Variants in CDKL4 observed in about 807,000 individuals in gnomAD.
CDKL4 encodes cyclin-dependent kinase-like 4.
CDKL4 carries 44 observed loss-of-function variants against 42.0 expected under a neutral mutation model. That is an observed-to-expected ratio of 1.05 (90% confidence interval 0.82 to 1.35). The LOEUF (loss-of-function observed/expected upper bound fraction) is 1.35. CDKL4 is among the 40% of genes most tolerant of loss of function. CDKL4 has a pLI of 0.00. For synonymous variants in CDKL4, 120 were observed against 121.6 expected (o/e 0.99, Z 0.09); for missense variants, 393 against 369.9 (o/e 1.06, Z -0.51).
chr2:39,169,107 A>G, the CDKL4 span, among the ~76,000 whole-genome samples: 26 of 152,186 alleles, frequency 1.7e-4, no homozygotes, highest in Admixed American at 1.3e-3. Flanking sequence ...TATCTGTAAA[A>G]TTTAATTATC....
chr2:39,222,666 A>C (rs2148375975), intron 3 of CDKL4, among the ~76,000 whole-genome samples: 1 of 152,264 alleles, frequency 6.6e-6, no homozygotes, highest in Admixed American at 6.5e-5. Flanking sequence ...CTAGATTAAA[A>C]TGAGAAGAAC....
chr2:39,176,828 A>T (rs1032702566), intron 9 of CDKL4, among the ~76,000 whole-genome samples: 3 of 152,236 alleles, frequency 2.0e-5, no homozygotes, highest in African/African-American at 7.2e-5. Flanking sequence ...AGGAAACCGC[A>T]ATGAATGAAA....
At chr2:39,184,885 C>T (rs1675632051) in intron 7 of CDKL4, among the ~76,000 whole-genome samples, 1 of 151,646 alleles carries the variant, frequency 6.6e-6, no homozygotes, top group Non-Finnish European at 1.5e-5. Context: ...CAGGTGGGTG[C>T]CACCACACAC....
In CDKL4 at chr2:39,229,375, C is replaced by T. The variant is rs35454041; in HGVS notation, c.158G>A (p.Arg53His). Residue 53 changes from arginine to histidine, a missense_variant, in exon 2 of 10, where the codon CGT becomes CAT. Physicochemically the swap from Arg to His is conservative, Grantham distance 29 (BLOSUM62 0). Coordinates refer to ENST00000451199, the Ensembl canonical transcript of CDKL4. ...ATAAAGTTAACTTACCTTCAACATA[C>T]GTATTTCTCTTAGTGCTATTTTCTT... 4.4e-3 allele frequency: 6,956 copies of T among 1,592,482 alleles called. 14 individuals are homozygous for T. The highest frequency in any genetic ancestry group is 5.4e-3 in the Non-Finnish European group (6,266 of 1,170,588).
At chr2:39,188,220 T>C (rs1279317175) in intron 6 of CDKL4, among the ~76,000 whole-genome samples, 2 of 152,096 alleles carry the variant, frequency 1.3e-5, no homozygotes, top group Admixed American at 6.5e-5. Flanking sequence ...GTAAGGCCAG[T>C]TCTCCCAAAC....
intron 9 of CDKL4, among the ~76,000 whole-genome samples, chr2:39,176,649 G>C (rs1407527169): frequency 6.6e-6 from 1 of 152,150 alleles, no homozygotes. Context: ...GGCCAGGCTG[G>C]TCTTGAACTC....
At chr2:39,187,816 C>T in intron 6 of CDKL4, 107 bp from the exon 7 acceptor site, 1 of 711,118 alleles carries the variant, frequency 1.4e-6, no homozygotes, top group Admixed American at 2.4e-5. Flanking sequence ...ACCTGTAATT[C>T]CAGCACTTTG....
At chr2:39,170,936 TA>T (rs751870484), downstream of CDKL4, among the ~76,000 whole-genome samples, 1 of 152,164 alleles carries the variant, frequency 6.6e-6, no homozygotes, top group Non-Finnish European at 1.5e-5. Flanking sequence ...TTATGGCAAG[TA>T]AGCTAAAGGA....
At chr2:39,168,940 A>G in the CDKL4 span, among the ~76,000 whole-genome samples, 3 of 152,030 alleles carry the variant, frequency 2.0e-5, no homozygotes, top group African/African-American at 7.2e-5. Flanking sequence ...TATTTTTAGT[A>G]AAGACGGGGT....
In CDKL4 at chr2:39,176,627, T is replaced by G. The variant is rs540577417; in HGVS notation, c.928-531A>C. Among the ~76,000 whole-genome samples the G allele has an allele frequency of 5.3e-5, 8 of 152,134 alleles. No homozygotes were observed. In the South Asian group the frequency reaches 1.7e-3, roughly 32 times the overall value. ...TTTTGTATTTTTGATAAAGACAGAG[T>G]TTCATCATGTTGGCCAGGCTGGTCT... On this transcript the variant is annotated intron_variant, in intron 9 of 9. Coordinates refer to ENST00000451199, the Ensembl canonical transcript of CDKL4.
chr2:39,172,386 A>G (rs958002945), downstream of CDKL4, among the ~76,000 whole-genome samples: 12 of 152,216 alleles, frequency 7.9e-5, no homozygotes, highest in South Asian at 2.1e-4. Context: ...GATGCTGAAG[A>G]GCAACTGTTG....
At chr2:39,205,936 A>C (rs1010871652) in intron 4 of CDKL4, among the ~76,000 whole-genome samples, 1 of 152,104 alleles carries the variant, frequency 6.6e-6, no homozygotes, top group Non-Finnish European at 1.5e-5. Flanking sequence ...CCACCTCCTC[A>C]CCGGAGCTAA....
rs1052254260 is a variant in CDKL4 at position 39,190,153 on chromosome 2, C to T, written c.652+152G>A. On this transcript the variant is annotated intron_variant, in intron 6 of 9. Transcript: ENST00000451199. The stretch of plus-strand genomic sequence containing the variant: ...TTAGAAAAGGATTGGGCTTTGGCTA[C>T]AACCCAGAACTGAGAACAACCATCC... The T allele has an allele frequency of 7.5e-6, 4 of 535,976 alleles. 1 individual carries two copies. The highest frequency in any genetic ancestry group is 7.7e-5 in the South Asian group (2 of 26,124). The allele number at this position is 535,976 out of a possible 1,614,324, so 33.2% of individuals were successfully genotyped here. A position where few individuals can be genotyped will look rare whatever the true frequency, so the allele number is the denominator to read the frequency against.
chr2:39,240,558 G>A (rs942122140), intron 1 of CDKL4, among the ~76,000 whole-genome samples: 8 of 151,408 alleles, frequency 5.3e-5, no homozygotes, highest in Non-Finnish European at 8.8e-5. Context: ...GTCCCTATAT[G>A]GAAAACAATC....
chr2:39,217,701 ATTATTTATTTATTTAT>A (rs145033516), intron 3 of CDKL4, among the ~76,000 whole-genome samples: 17,961 of 147,714 alleles, frequency 0.12, 2,182 homozygotes, highest in African/African-American at 0.31. Context: ...GGCTTATTTT[ATTATTTATTTATTTAT>A]TTATTTATTT....
rs537029603 is a variant in CDKL4, at chr2:39,230,575, T to C, written c.-56-987A>G. 7.2e-5 allele frequency among the ~76,000 whole-genome samples: 11 copies of C among 152,316 alleles called. No individual in the cohort carries two copies. In the South Asian group the frequency reaches 2.3e-3, roughly 32 times the overall value. ...TGAATGTTTTGGTGACCGAATTAAATATTACATGATGACTAAGGCCAACAT... is the reference window on the plus strand; with the variant it reads ...TGAATGTTTTGGTGACCGAATTAAACATTACATGATGACTAAGGCCAACAT... On this transcript the variant is annotated intron_variant, in intron 1 of 9. Coordinates refer to ENST00000451199, the Ensembl canonical transcript of CDKL4.
rs758417891 is a variant in CDKL4 at position 39,229,505 on chromosome 2, T to C, written c.28A>G (p.Thr10Ala). 4 of 1,606,610 alleles carry C rather than the reference T, an allele frequency of 2.5e-6. No individual in the cohort carries two copies. Among genetic ancestry groups the C allele is most frequent in the South Asian group, 1.1e-5 (1 of 88,876 alleles). ...ACAACCCCATAAGACCCTTCTCCAG[T>C]CTTAGCTAATTTTTCATACTTTTCC... is the stretch of plus-strand genomic sequence containing the variant. Residue 10 changes from threonine to alanine, a missense_variant, in exon 2 of 10, where the codon ACT becomes GCT. By Grantham distance (58) the Thr-to-Ala change is moderately conservative (BLOSUM62 0). Transcript: ENST00000451199.
intron 4 of CDKL4, among the ~76,000 whole-genome samples, chr2:39,212,773 C>T (rs1310085012): frequency 2.6e-5 from 4 of 152,256 alleles, no homozygotes; most frequent in African/African-American, 9.6e-5. Context: ...GATTCTCCAG[C>T]TCCAGCCTCC....
At position 39,190,244 on chromosome 2, in the gene CDKL4, T is replaced by C. The variant is rs73930539; in HGVS notation, c.652+61A>G. The C allele has an allele frequency of 2.0e-3, 2,169 of 1,089,792 alleles. 35 individuals are homozygous for C. In the African/African-American group the frequency reaches 0.03, roughly 15 times the overall value. 67.5% of individuals were successfully genotyped at this position (1,089,792 alleles called of 1,614,324 possible). A position where few individuals can be genotyped will look rare whatever the true frequency, so the allele number is the denominator to read the frequency against. ...ATTTTTATTTATTTATTTTTTATTA[T>C]AGTAACATATGAATGCTATAACAAT... On this transcript the variant is annotated intron_variant, in intron 6 of 9. Transcript: ENST00000451199.
Sources: allele counts gnomAD v4.1 joint callset (sites outside exome capture counted in the v4.1 genomes callset), GRCh38; gene constraint gnomAD v4.1.1; transcripts MANE v1.5; gene names NCBI Gene and HGNC (gene_info 2026-07-23, HGNC 2026-07-21).